The following SPATA16 variants were observed in gnomAD, a reference collection of about 807,000 sequenced individuals.
The protein encoded by SPATA16 is spermatogenesis associated 16.
Under a neutral mutation model 63.3 loss-of-function variants are expected in SPATA16, and 36 were observed. The observed-to-expected ratio is 0.57, with a 90% confidence interval of 0.44 to 0.75. The LOEUF (loss-of-function observed/expected upper bound fraction) is 0.75, where lower values mean the gene tolerates loss of function less well. SPATA16 is among the 30% of genes least tolerant of loss of function. SPATA16 has a pLI of 0.00. For missense variants in SPATA16, 646 were observed against 679.3 expected, an observed-to-expected ratio of 0.95 and a Z score of 0.54; for synonymous variants, 203 against 216.7, an observed-to-expected ratio of 0.94 and a Z score of 0.56.
chr3:172,989,753 A>G, intron 4 of SPATA16, among the ~76,000 whole-genome samples: 1 of 152,204 alleles, frequency 6.6e-6, no homozygotes, highest in East Asian at 1.9e-4. Context: ...CTTAACACTG[A>G]TAGTTTGGAA....
chr3:173,024,502 T>C (rs1735406981), intron 3 of SPATA16, among the ~76,000 whole-genome samples: 2 of 151,016 alleles, frequency 1.3e-5, no homozygotes, highest in Admixed American at 1.3e-4. Context: ...TCCTTTGATC[T>C]TTTGTATTGA....
At chr3:172,972,653 G>A (rs1245945406) in intron 5 of SPATA16, among the ~76,000 whole-genome samples, 1 of 152,028 alleles carries the variant, frequency 6.6e-6, no homozygotes, top group African/African-American at 2.4e-5. Flanking sequence ...GTTACTATTA[G>A]AGATCCTGCT....
chr3:172,894,668 A>C (rs1400245710), intron 10 of SPATA16, among the ~76,000 whole-genome samples: 1 of 152,194 alleles, frequency 6.6e-6, no homozygotes, highest in African/African-American at 2.4e-5. Context: ...CATATGTTGA[A>C]ATTCTAACTC....
rs66547523 is a variant in SPATA16 at position 173,010,435 on chromosome 3, CGTGT to C, written c.848+9047_848+9050del. Among the ~76,000 whole-genome samples the C allele has an allele frequency of 4.7e-3, 660 of 141,352 alleles. 4 individuals carry two copies. Among genetic ancestry groups the C allele is most frequent in the Middle Eastern group, 0.014 (4 of 276 alleles). The allele number at this position is 141,352 out of a possible 152,430, so 92.7% of individuals were successfully genotyped here. On this transcript the variant is annotated intron_variant, in intron 4 of 10. Coordinates refer to ENST00000351008, the MANE Select transcript of SPATA16 (RefSeq NM_031955.6). ...GCCTGACCACTCTGGCACGTTGTGG[CGTGT>C]GTGTGTGTGTGTGTGTGTGTGTGTG...
chr3:173,058,777 A>T (rs1055493082), intron 2 of SPATA16, among the ~76,000 whole-genome samples: 4 of 151,908 alleles, frequency 2.6e-5, no homozygotes, highest in South Asian at 2.1e-4. Context: ...AATTAATTTT[A>T]AAAAATGTGT....
At chr3:172,927,713 GGCTTACCAC>G (rs1732771409) in intron 6 of SPATA16, among the ~76,000 whole-genome samples, 1 of 152,090 alleles carries the variant, frequency 6.6e-6, no homozygotes, top group African/African-American at 2.4e-5. Context: ...AAAGTACAAA[GGCTTACCAC>G]TCAAAACTAT....
intron 2 of SPATA16, among the ~76,000 whole-genome samples, chr3:173,074,617 C>A (rs920983370): frequency 6.6e-6 from 1 of 152,106 alleles, no homozygotes; most frequent in Non-Finnish European, 1.5e-5. Flanking sequence ...CACTAGACCT[C>A]TTTTTCTTTA....
At chr3:173,098,549 G>C (rs1047727340) in intron 2 of SPATA16, among the ~76,000 whole-genome samples, 1 of 152,156 alleles carries the variant, frequency 6.6e-6, no homozygotes, top group Non-Finnish European at 1.5e-5. Flanking sequence ...ATGGAAGTCA[G>C]GAAAATCATT....
chr3:172,987,085 G>T (rs1328033641), intron 4 of SPATA16, among the ~76,000 whole-genome samples: 1 of 152,134 alleles, frequency 6.6e-6, no homozygotes, highest in African/African-American at 2.4e-5. Context: ...CCTATTAATA[G>T]TCCTATTAAT....
At chr3:172,934,729 T>G (rs1379176423) in intron 6 of SPATA16, among the ~76,000 whole-genome samples, 1 of 152,172 alleles carries the variant, frequency 6.6e-6, no homozygotes, top group Non-Finnish European at 1.5e-5. Context: ...TTTCCTGTAG[T>G]TAACATATAT....
intron 1 of SPATA16, among the ~76,000 whole-genome samples, chr3:173,125,464 C>T (rs905587912): frequency 6.6e-6 from 1 of 152,220 alleles, no homozygotes; most frequent in African/African-American, 2.4e-5. Context: ...ATGCCTCTGC[C>T]TCCTTTGAAA....
At chr3:172,892,273 T>C (rs574880306) in intron 10 of SPATA16, among the ~76,000 whole-genome samples, 1 of 152,360 alleles carries the variant, frequency 6.6e-6, no homozygotes, top group South Asian at 2.1e-4. Context: ...TGTTGAATTC[T>C]GCTCTCGGGT....
intron 3 of SPATA16, among the ~76,000 whole-genome samples, chr3:173,021,505 T>C (rs1735330563): frequency 6.6e-6 from 1 of 152,186 alleles, no homozygotes. Flanking sequence ...GTTCATTTAA[T>C]ATCAAGACAA....
chr3:173,129,518 A>G (rs1404338828), intron 1 of SPATA16, among the ~76,000 whole-genome samples: 1 of 152,056 alleles, frequency 6.6e-6, no homozygotes, highest in Admixed American at 6.5e-5. Context: ...ATGGTGTTAA[A>G]TATTGTGCTC....
chr3:173,077,762 AAGAG>A (rs1384747244), intron 2 of SPATA16, among the ~76,000 whole-genome samples: 1 of 152,206 alleles, frequency 6.6e-6, no homozygotes, highest in African/African-American at 2.4e-5. Context: ...TTCTGAAAGA[AAGAG>A]AAAGATTCAC....
chr3:172,946,023 A>C (rs1671865740), intron 6 of SPATA16, among the ~76,000 whole-genome samples: 1 of 152,120 alleles, frequency 6.6e-6, no homozygotes, highest in Non-Finnish European at 1.5e-5. Context: ...AGTAAAGAAG[A>C]CTTTGTCTTG....
intron 3 of SPATA16, among the ~76,000 whole-genome samples, chr3:173,029,008 C>T (rs1354857889): frequency 6.6e-6 from 1 of 151,988 alleles, no homozygotes; most frequent in East Asian, 1.9e-4. Flanking sequence ...AATAATTATT[C>T]TATGTAATAT....
Position 172,889,702 on chromosome 3 carries a change from A to G in SPATA16, c.1588-10T>C. 6.2e-7 allele frequency: 1 copy of G among 1,612,432 alleles called. No homozygotes were observed. Among genetic ancestry groups the G allele is most frequent in the Non-Finnish European group, 8.5e-7 (1 of 1,179,694 alleles). ...CTTCAATTTGTCCAACCTAGAAGAA[A>G]TAAACAGATGCAACAAGATTTGTTG... On this transcript the variant is annotated splice_polypyrimidine_tract_variant and intron_variant, in intron 10 of 10. Transcript: ENST00000351008.
chr3:172,955,541 T>C (rs1733573588), intron 6 of SPATA16, among the ~76,000 whole-genome samples: 1 of 152,196 alleles, frequency 6.6e-6, no homozygotes, highest in African/African-American at 2.4e-5. Flanking sequence ...ATTATGCTTC[T>C]CCTCTTCCCT....
Sources: gnomAD v4.1 joint callset for allele counts (sites outside exome capture counted in the v4.1 genomes callset) on GRCh38, gnomAD v4.1.1 for gene constraint, MANE v1.5 for transcripts, NCBI Gene and HGNC (gene_info 2026-07-23, HGNC 2026-07-21) for gene names.